Variants in SHISA6 observed in about 807,000 individuals in gnomAD.
The protein encoded by SHISA6 is protein shisa-6.
SHISA6 carries 22 observed loss-of-function variants against 47.9 expected under a neutral mutation model. That is an observed-to-expected ratio of 0.46 (90% CI 0.33 to 0.66). The LOEUF (loss-of-function observed/expected upper bound fraction) is 0.66. Ranked by LOEUF, SHISA6 falls within the 30% of genes least tolerant of loss-of-function variation. The probability of loss-of-function intolerance (pLI) is 0.02; values close to 1 mark genes in which losing one functional copy is unlikely to be tolerated. For synonymous variants in SHISA6, 388 were observed against 337.8 expected (o/e 1.15, Z -1.63); for missense variants, 680 against 764.6 (o/e 0.89, Z 1.30).
At chr17:11,263,872 A>ATGCT (rs1395599154) in intron 2 of SHISA6, among the ~76,000 whole-genome samples, 4 of 152,148 alleles carry the variant, frequency 2.6e-5, no homozygotes, top group African/African-American at 4.8e-5. Context: ...GCTGAGTAGG[A>ATGCT]TGCTAGATAT....
chr17:11,457,813 C>T (rs938378273), intron 3 of SHISA6, among the ~76,000 whole-genome samples: 8 of 150,894 alleles, frequency 5.3e-5, no homozygotes, highest in African/African-American at 1.7e-4. Context: ...GGGCCGGGCA[C>T]GGTGGCTTAT....
At chr17:11,492,849 T>C (rs1287983292) in intron 3 of SHISA6, among the ~76,000 whole-genome samples, 1 of 152,146 alleles carries the variant, frequency 6.6e-6, no homozygotes, top group Non-Finnish European at 1.5e-5. Flanking sequence ...TCTCATCATG[T>C]TGCTTGTTTA....
At chr17:11,380,645 A>G (rs142656868) in intron 3 of SHISA6, among the ~76,000 whole-genome samples, 7 of 152,354 alleles carry the variant, frequency 4.6e-5, no homozygotes, top group African/African-American at 1.7e-4. Context: ...GCACTGTGAG[A>G]CAATTTACTC....
chr17:11,520,641 C>T lies in SHISA6; in HGVS notation c.896-31255C>T, dbSNP rs1343309870. Among the ~76,000 whole-genome samples, 5 of 152,252 alleles carry T rather than the reference C, an allele frequency of 3.3e-5. No homozygotes were observed. In the East Asian group the frequency reaches 7.7e-4, roughly 24 times the overall value. ...CTTTCCTACGTCAGGGGCCTTTGCACATACAGTATGCACACGTGCACACAC... is the reference window on the plus strand; with the variant it reads ...CTTTCCTACGTCAGGGGCCTTTGCATATACAGTATGCACACGTGCACACAC... On this transcript the variant is annotated intron_variant, in intron 3 of 5. Coordinates refer to ENST00000441885, the MANE Select transcript of SHISA6 (RefSeq NM_207386.4).
chr17:11,415,369 A>T (rs1914252595), intron 3 of SHISA6, among the ~76,000 whole-genome samples: 1 of 152,204 alleles, frequency 6.6e-6, no homozygotes, highest in African/African-American at 2.4e-5. Flanking sequence ...CCATTAGAAC[A>T]CACCACATTC....
chr17:11,301,381 GTCTT>G (rs1039641102), intron 2 of SHISA6, among the ~76,000 whole-genome samples: 1 of 152,100 alleles, frequency 6.6e-6, no homozygotes, highest in Non-Finnish European at 1.5e-5. Context: ...ACCTTTATTT[GTCTT>G]TCTAATTTTC....
rs558256275 is a variant in SHISA6 at position 11,504,049 on chromosome 17, A to T, written c.896-47847A>T. On this transcript the variant is annotated intron_variant, in intron 3 of 5. Coordinates refer to ENST00000441885, the MANE Select transcript of SHISA6 (RefSeq NM_207386.4). ...GGAGATGCTCACTTATCTGGGATGG[A>T]TGCATGAGTTATTACCAAAAAGCAG... Among the ~76,000 whole-genome samples, 252 of 152,320 alleles carry T rather than the reference A, an allele frequency of 1.7e-3. 4 individuals carry two copies. Among genetic ancestry groups the T allele is most frequent in the African/African-American group, 5.8e-3 (243 of 41,582 alleles).
intron 3 of SHISA6, among the ~76,000 whole-genome samples, chr17:11,422,766 A>G (rs1914487088): frequency 6.8e-6 from 1 of 147,352 alleles, no homozygotes; most frequent in African/African-American, 2.5e-5. Flanking sequence ...TCTGTCTCAA[A>G]AAAAAAAAAA....
intron 3 of SHISA6, among the ~76,000 whole-genome samples, chr17:11,425,431 T>C (rs1475743766): frequency 1.3e-5 from 2 of 152,094 alleles, no homozygotes; most frequent in African/African-American, 4.8e-5. Context: ...TTATAGTTAA[T>C]AGGGTTGGCA....
At chr17:11,536,714 C>T (rs1248671388) in intron 3 of SHISA6, among the ~76,000 whole-genome samples, 1 of 152,124 alleles carries the variant, frequency 6.6e-6, no homozygotes, top group African/African-American at 2.4e-5. Flanking sequence ...TGCTCATATC[C>T]ACCTCATCAC....
chr17:11,495,278 A>G (rs1054095548), intron 3 of SHISA6, among the ~76,000 whole-genome samples: 1 of 152,156 alleles, frequency 6.6e-6, no homozygotes, highest in Non-Finnish European at 1.5e-5. Flanking sequence ...TGACTGCTCC[A>G]CCTAGCACTG....
chr17:11,280,228 T>C (rs886329606), intron 2 of SHISA6, among the ~76,000 whole-genome samples: 3 of 152,224 alleles, frequency 2.0e-5, no homozygotes, highest in African/African-American at 7.2e-5. Flanking sequence ...TGAAATTTAC[T>C]CCAGGTAGAT....
chr17:11,514,420 A>T (rs953411370), intron 3 of SHISA6, among the ~76,000 whole-genome samples: 20 of 152,120 alleles, frequency 1.3e-4, no homozygotes, highest in African/African-American at 3.9e-4. Flanking sequence ...TTGGTCATCA[A>T]GTTTTTTCAG....
At chr17:11,456,659 C>T (rs190011102) in intron 3 of SHISA6, among the ~76,000 whole-genome samples, 59 of 152,286 alleles carry the variant, frequency 3.9e-4, no homozygotes, top group African/African-American at 1.3e-3. Context: ...GCCACGCTGT[C>T]GGAGGTGGGA....
chr17:11,409,298 TC>T (rs970447952), intron 3 of SHISA6, among the ~76,000 whole-genome samples: 1 of 151,686 alleles, frequency 6.6e-6, no homozygotes, highest in Admixed American at 6.6e-5. Context: ...TTCCCCACTT[TC>T]CCCCCCAAAA....
chr17:11,303,422 T>C (rs1190603685), intron 2 of SHISA6, among the ~76,000 whole-genome samples: 2 of 152,032 alleles, frequency 1.3e-5, no homozygotes, highest in Non-Finnish European at 2.9e-5. Context: ...GTTGTGAGCA[T>C]GTGTGTGTGG....
chr17:11,552,836 G>T (rs1038999187), intron 4 of SHISA6, among the ~76,000 whole-genome samples: 1 of 152,208 alleles, frequency 6.6e-6, no homozygotes, highest in South Asian at 2.1e-4. Flanking sequence ...AGTATAATCA[G>T]ATTTGTCAGG....
At chr17:11,375,548 T>G (rs796557355) in intron 2 of SHISA6, among the ~76,000 whole-genome samples, 4 of 152,284 alleles carry the variant, frequency 2.6e-5, no homozygotes, top group African/African-American at 9.6e-5. Flanking sequence ...TATTATCTCA[T>G]TTTTTTCCCT....
intron 3 of SHISA6, among the ~76,000 whole-genome samples, chr17:11,509,898 G>A (rs2071529029): frequency 6.6e-6 from 1 of 152,142 alleles, no homozygotes; most frequent in South Asian, 2.1e-4. Context: ...TTGACCACTT[G>A]CATCTTGGGA....
Sources: allele counts gnomAD v4.1 joint callset (sites outside exome capture counted in the v4.1 genomes callset), GRCh38; gene constraint gnomAD v4.1.1; transcripts MANE v1.5; gene names NCBI Gene and HGNC (gene_info 2026-07-23, HGNC 2026-07-21).